Variants in SPRY3 observed in about 807,000 individuals in gnomAD.
SPRY3 encodes protein sprouty homolog 3.
Under a neutral mutation model 20.2 loss-of-function variants are expected in SPRY3, and 15 were observed. The ratio of observed to expected loss-of-function variants is 0.74; its 90% CI spans 0.50 to 1.14. The LOEUF (loss-of-function observed/expected upper bound fraction) is 1.14, where lower values mean the gene tolerates loss of function less well. Ranked by LOEUF, SPRY3 falls within the 50% of genes most tolerant of loss-of-function variation. The probability of loss-of-function intolerance (pLI) is 0.00; values close to 1 mark genes in which losing one functional copy is unlikely to be tolerated. For missense variants in SPRY3, 364 were observed against 363.9 expected (o/e 1.00, Z 0.00); for synonymous variants, 143 against 136.5 (o/e 1.05, Z -0.33).
chrX:155,706,110 G>C (rs1386325830), intron 2 of SPRY3, among the ~76,000 whole-genome samples: 1 of 151,162 alleles, frequency 6.6e-6, no homozygotes, highest in Non-Finnish European at 1.5e-5. Flanking sequence ...ACCATACTTA[G>C]GGTCATAAGA....
At chrX:155,732,074 C>T (rs763766027) in intron 2 of SPRY3, among the ~76,000 whole-genome samples, 4 of 152,088 alleles carry the variant, frequency 2.6e-5, no homozygotes, top group South Asian at 2.1e-4. Flanking sequence ...CTAGATGTCA[C>T]GTTAACATTG....
In SPRY3 at chrX:155,738,687, C is replaced by A. The variant is rs781386273; in HGVS notation, c.-281-29275C>A. 2.6e-5 allele frequency among the ~76,000 whole-genome samples: 4 copies of A among 152,270 alleles called. No individual in the cohort carries two copies. The East Asian group carries it at 5.8e-4, about 22-fold the overall frequency. On this transcript the variant is annotated intron_variant, in intron 2 of 3. Coordinates refer to ENST00000675360, the Ensembl canonical transcript of SPRY3. ...ATGCAATTCTTCCTGGGAAACCACG[C>A]TTTTCCCACAGATCTTTGCAACCTG... is the stretch of plus-strand genomic sequence containing the variant.
At chrX:155,613,044 G>C (rs1011363722) in intron 1 of SPRY3, 3 of 112,121 alleles carry the variant, frequency 2.7e-5, no homozygotes, top group African/African-American at 9.7e-5. Context: ...TCTCCCATTC[G>C]GAAGGACTGG....
intron 2 of SPRY3, among the ~76,000 whole-genome samples, chrX:155,684,112 CT>C (rs1307358103): frequency 1.8e-5 from 2 of 110,443 alleles, no homozygotes; most frequent in African/African-American, 3.3e-5. Flanking sequence ...CTGGAGTAGA[CT>C]GAGAGAGAGT....
At chrX:155,771,716 C>T (rs1399213826) in intron 3 of SPRY3, among the ~76,000 whole-genome samples, 1 of 152,084 alleles carries the variant, frequency 6.6e-6, no homozygotes, top group Admixed American at 6.6e-5. Flanking sequence ...CAGTTCCTTT[C>T]CAATGCTGAG....
chrX:155,675,170 T>TA (rs1372886139), intron 2 of SPRY3, among the ~76,000 whole-genome samples: 2 of 112,177 alleles, frequency 1.8e-5, no homozygotes, highest in Admixed American at 1.9e-4. Context: ...GCACTATGTA[T>TA]ACAGCATTCA....
Position 155,656,377 on chromosome X carries a change from G to A in SPRY3, c.-440-490G>A, listed in dbSNP as rs1389268249. Among the ~76,000 whole-genome samples, 9 of 109,961 alleles carry A rather than the reference G, an allele frequency of 8.2e-5. No homozygotes were observed. In the East Asian group the frequency reaches 1.4e-3, roughly 18 times the overall value. ...TTCAATCTCTGATATTCTTTCTTCC[G>A]CTTGATTGATTCAGCTGTTGATACT... is the stretch of plus-strand genomic sequence containing the variant. On this transcript the variant is annotated intron_variant, in intron 1 of 3. Transcript: ENST00000675360.
At chrX:155,767,985 T>G (rs2091353645) in exon 3 of SPRY3, 1 of 152,192 alleles carries the variant, frequency 6.6e-6, no homozygotes, top group Non-Finnish European at 1.5e-5. Flanking sequence ...TATCTCTGTT[T>G]CTGGCTCCAC....
At chrX:155,714,735 G>A (rs184808198) in intron 2 of SPRY3, among the ~76,000 whole-genome samples, 2 of 152,166 alleles carry the variant, frequency 1.3e-5, no homozygotes, top group African/African-American at 2.4e-5. Context: ...GTCAAAAAAT[G>A]TAGCAATTTA....
intron 2 of SPRY3, among the ~76,000 whole-genome samples, chrX:155,714,921 T>G (rs996401749): frequency 2.0e-5 from 3 of 152,056 alleles, no homozygotes; most frequent in Non-Finnish European, 2.9e-5. Flanking sequence ...GCCTAAGGAC[T>G]TCCATCAGCT....
chrX:155,733,562 G>T (rs1326904095), intron 2 of SPRY3, among the ~76,000 whole-genome samples: 1 of 151,766 alleles, frequency 6.6e-6, no homozygotes, highest in African/African-American at 2.4e-5. Context: ...TAATTTTTAA[G>T]GGCCCAAGGA....
intron 2 of SPRY3, among the ~76,000 whole-genome samples, chrX:155,747,677 C>T (rs1178691592): frequency 3.3e-5 from 5 of 151,870 alleles, no homozygotes; most frequent in African/African-American, 1.2e-4. Context: ...AGCTATTAAA[C>T]TATGAGGAAA....
intron 1 of SPRY3, among the ~76,000 whole-genome samples, chrX:155,615,339 C>T (rs781964286): frequency 8.9e-6 from 1 of 112,418 alleles, no homozygotes; most frequent in Non-Finnish European, 1.9e-5. Flanking sequence ...CTAACATCTA[C>T]ACCTTTGTTT....
chrX:155,695,990 CTGTT>C (rs1473576755), intron 2 of SPRY3, among the ~76,000 whole-genome samples: 1 of 110,520 alleles, frequency 9.0e-6, no homozygotes, highest in African/African-American at 3.3e-5. Context: ...ATTTTCCTGG[CTGTT>C]TGTGTGTCCA....
intron 2 of SPRY3, among the ~76,000 whole-genome samples, chrX:155,670,919 C>T (rs781861050): frequency 2.7e-5 from 3 of 112,126 alleles, no homozygotes; most frequent in East Asian, 2.8e-4. Context: ...TCATCCTAAA[C>T]GTTATTCCTT....
chrX:155,629,790 C>T (rs1348728596), intron 1 of SPRY3, among the ~76,000 whole-genome samples: 1 of 112,257 alleles, frequency 8.9e-6, no homozygotes, highest in East Asian at 2.8e-4. Flanking sequence ...TGTTCTCTTG[C>T]TATTGACTTG....
chrX:155,621,951 C>A lies in SPRY3; in HGVS notation c.-441+9304C>A, dbSNP rs183587597. Reference sequence around the variant, plus strand: ...CTGCCCTGCTTTTACTACAAACTCACAGAAGCCAAAGGCTACCCGCAAAGG... The same window carrying A: ...CTGCCCTGCTTTTACTACAAACTCAAAGAAGCCAAAGGCTACCCGCAAAGG... On this transcript the variant is annotated intron_variant, in intron 1 of 3. Coordinates refer to ENST00000675360, the Ensembl canonical transcript of SPRY3. Among the ~76,000 whole-genome samples the A allele has an allele frequency of 1.5e-4, 17 of 112,030 alleles. No homozygotes were observed. The East Asian group carries it at 4.0e-3, about 26-fold the overall frequency.
intron 2 of SPRY3, among the ~76,000 whole-genome samples, chrX:155,738,944 G>A (rs2091186789): frequency 6.6e-6 from 1 of 152,308 alleles, no homozygotes; most frequent in African/African-American, 2.4e-5. Context: ...CCACTTCCAT[G>A]GAACCTCACA....
chrX:155,766,876 G>C (rs992080683), intron 2 of SPRY3, among the ~76,000 whole-genome samples: 1 of 152,180 alleles, frequency 6.6e-6, no homozygotes, highest in African/African-American at 2.4e-5. Context: ...TGGTTTCCCA[G>C]TGGCAATGGA....
Sources: allele counts gnomAD v4.1 joint callset (sites outside exome capture counted in the v4.1 genomes callset), GRCh38; gene constraint gnomAD v4.1.1; transcripts MANE v1.5; gene names NCBI Gene and HGNC (gene_info 2026-07-23, HGNC 2026-07-21).